The following EPB41L5 variants were observed in gnomAD, a reference collection of about 807,000 sequenced individuals.
EPB41L5 encodes the protein erythrocyte membrane protein band 4.1 like 5.
Under a neutral mutation model 106.6 loss-of-function variants are expected in EPB41L5, and 55 were observed. The ratio of observed to expected loss-of-function variants is 0.52; its 90% CI spans 0.42 to 0.65. The LOEUF (loss-of-function observed/expected upper bound fraction) is 0.65, where lower values mean the gene tolerates loss of function less well. Ranked by LOEUF, EPB41L5 falls within the 30% of genes least tolerant of loss-of-function variation. EPB41L5 has a pLI of 0.00. For missense variants in EPB41L5, 871 were observed against 882.1 expected, an observed-to-expected ratio of 0.99 and a Z score of 0.16; for synonymous variants, 297 against 306.7, an observed-to-expected ratio of 0.97 and a Z score of 0.33.
chr2:120,021,225 A>AGGC, intron 2 of EPB41L5, among the ~76,000 whole-genome samples: 1 of 152,300 alleles, frequency 6.6e-6, no homozygotes, highest in African/African-American at 2.4e-5. Flanking sequence ...CTGTAGTCCC[A>AGGC]GCTACTCAGG....
chr2:120,149,155 A>G (rs1315975276), intron 20 of EPB41L5, among the ~76,000 whole-genome samples: 1 of 151,796 alleles, frequency 6.6e-6, no homozygotes, highest in Non-Finnish European at 1.5e-5. Context: ...ATTTGGAGAA[A>G]TGTCTATTCA....
At chr2:120,114,581 C>T (rs1325488260) in intron 16 of EPB41L5, among the ~76,000 whole-genome samples, 1 of 152,156 alleles carries the variant, frequency 6.6e-6, no homozygotes, top group Non-Finnish European at 1.5e-5. Context: ...AGAGCACCTG[C>T]ATTTCATTCT....
chr2:120,094,168 G>A (rs1056483101), intron 14 of EPB41L5, among the ~76,000 whole-genome samples: 2 of 151,998 alleles, frequency 1.3e-5, no homozygotes, highest in Non-Finnish European at 2.9e-5. Flanking sequence ...TAAATTTTTT[G>A]TAGAGATGGG....
intron 3 of EPB41L5, among the ~76,000 whole-genome samples, chr2:120,056,953 G>C (rs960576117): frequency 4.6e-5 from 7 of 152,096 alleles, no homozygotes; most frequent in African/African-American, 1.7e-4. Context: ...CTGGAGTGTA[G>C]TGACGCCATC....
chr2:120,117,248 G>A (rs1187387258), intron 16 of EPB41L5, among the ~76,000 whole-genome samples: 1 of 152,016 alleles, frequency 6.6e-6, no homozygotes, highest in Admixed American at 6.6e-5. Context: ...TCTTCCCTGC[G>A]AGAAACCTGG....
intron 20 of EPB41L5, 99 bp downstream of exon 20, chr2:120,146,388 T>C: frequency 1.2e-6 from 1 of 828,838 alleles, no homozygotes; most frequent in African/African-American, 1.7e-5. Context: ...GATGTCTGTC[T>C]GAAAGATAGC....
chr2:120,042,597 A>T (rs1299932252), intron 3 of EPB41L5, among the ~76,000 whole-genome samples: 1 of 152,216 alleles, frequency 6.6e-6, no homozygotes, highest in Non-Finnish European at 1.5e-5. Flanking sequence ...AGAACAGCAT[A>T]CATAATGGAG....
intron 24 of EPB41L5, among the ~76,000 whole-genome samples, chr2:120,174,227 G>A (rs533522633): frequency 1.3e-5 from 2 of 152,192 alleles, no homozygotes; most frequent in African/African-American, 2.4e-5. Flanking sequence ...AGGCTGAGGA[G>A]GGCAGATGGC....
intron 2 of EPB41L5, among the ~76,000 whole-genome samples, chr2:120,028,692 T>C (rs1678502416): frequency 6.6e-6 from 1 of 152,026 alleles, no homozygotes; most frequent in African/African-American, 2.4e-5. Context: ...GCCTGCTTAG[T>C]ACATGGATAT....
At chr2:120,092,046 T>G (rs554043633) in intron 13 of EPB41L5, among the ~76,000 whole-genome samples, 106 of 136,228 alleles carry the variant, frequency 7.8e-4, no homozygotes, top group South Asian at 1.9e-3. Context: ...ATTTATTTAT[T>G]TTGAGATAGT....
rs558594331 is a variant in EPB41L5, at chr2:120,083,776, G to C, written c.804-3395G>C. Among the ~76,000 whole-genome samples, 6 of 152,230 alleles carry C rather than the reference G, an allele frequency of 3.9e-5. No individual in the cohort carries two copies. The South Asian group carries it at 1.2e-3, about 32-fold the overall frequency. On this transcript the variant is annotated intron_variant, in intron 10 of 24. Coordinates refer to ENST00000263713, the MANE Select transcript of EPB41L5 (RefSeq NM_020909.4). ...CTCTAAGCACTTGCTTTATGAATCT[G>C]GGTGCTCCTGTATTGGGTGCACATA...
At position 120,013,155 on chromosome 2, in the gene EPB41L5, G is replaced by C. The variant is rs991662941; in HGVS notation, c.-64G>C. 4.0e-4 allele frequency: 61 copies of C among 152,438 alleles called. No homozygotes were observed. Among genetic ancestry groups the C allele is most frequent in the Admixed American group, 3.7e-3 (56 of 15,312 alleles). 9.4% of individuals were successfully genotyped at this position (152,438 alleles called of 1,614,324 possible). ...CTACCGAGGAGCCGCCCCTTTCTCAGCCTTGCTCGGCTCTTCCCCGCTCTG... is the reference window on the plus strand; with the variant it reads ...CTACCGAGGAGCCGCCCCTTTCTCACCCTTGCTCGGCTCTTCCCCGCTCTG... On this transcript the variant is annotated 5_prime_UTR_variant, in exon 1 of 25. Transcript: ENST00000263713.
At chr2:120,106,844 A>G in intron 16 of EPB41L5, 1 of 985,078 alleles carries the variant, frequency 1.0e-6, no homozygotes, top group Non-Finnish European at 1.2e-6. Flanking sequence ...AACATTTCTG[A>G]CCTTGATAGG....
At chr2:120,075,407 G>A (rs1574601535) in intron 5 of EPB41L5, 69 bp from the exon 6 acceptor site, 2 of 1,124,624 alleles carry the variant, frequency 1.8e-6, no homozygotes, top group East Asian at 2.3e-5. Context: ...TCTCAAGTTA[G>A]AAGTGTAAGA....
At position 120,077,015 on chromosome 2, in the gene EPB41L5, G is replaced by C; in HGVS notation, c.550G>C (p.Val184Leu). 6.2e-7 allele frequency: 1 copy of C among 1,612,168 alleles called. No individual in the cohort carries two copies. The highest frequency in any genetic ancestry group is 8.5e-7 in the Non-Finnish European group (1 of 1,178,722). The change falls in exon 8 of 25, where the codon GTC becomes CTC. Residue 184 changes from valine (V) to leucine (L), a missense_variant. Transcript: ENST00000263713. ...TCTTGCTGAGCATAGTCCTGAACTT[G>C]TCTCAGAGTTCAGATTCGTGCCTAT... ...YDLAEHSPEL[V>L]SEFRFVPIQT...
At chr2:120,090,206 T>C (rs961018186) in intron 11 of EPB41L5, 141 bp from the exon 12 acceptor site, 4 of 559,172 alleles carry the variant, frequency 7.2e-6, no homozygotes, top group Non-Finnish European at 1.2e-5. Context: ...TCTGCCCTTA[T>C]TATGTTGATA....
intron 20 of EPB41L5, among the ~76,000 whole-genome samples, chr2:120,158,892 C>G (rs1462327057): frequency 6.6e-6 from 1 of 152,152 alleles, no homozygotes; most frequent in Non-Finnish European, 1.5e-5. Context: ...TCAGCAAAGT[C>G]TAAGGATACA....
At chr2:120,043,819 T>A (rs930253967) in intron 3 of EPB41L5, among the ~76,000 whole-genome samples, 1 of 152,092 alleles carries the variant, frequency 6.6e-6, no homozygotes, top group African/African-American at 2.4e-5. Context: ...TCATAAAGGA[T>A]TATAAGGCAG....
chr2:120,077,414 A>G (rs760985038), intron 9 of EPB41L5, 98 bp downstream of exon 9: 10 of 948,984 alleles, frequency 1.1e-5, no homozygotes, highest in African/African-American at 1.6e-5. Context: ...TGGAGTTTGC[A>G]TAAGCTAGCA....
Sources: allele counts gnomAD v4.1 joint callset (sites outside exome capture counted in the v4.1 genomes callset), GRCh38; gene constraint gnomAD v4.1.1; transcripts MANE v1.5; gene names NCBI Gene and HGNC (gene_info 2026-07-23, HGNC 2026-07-21).